Variants in EBF2 observed in about 807,000 individuals in gnomAD.
EBF2 encodes the protein EBF transcription factor 2, also known as transcription factor COE2.
A neutral mutation model predicts 72.8 loss-of-function variants in EBF2; 21 were observed. That is an observed-to-expected ratio of 0.29 (90% confidence interval 0.20 to 0.42). The LOEUF (loss-of-function observed/expected upper bound fraction) is 0.42. Among genes scored for constraint, EBF2 ranks in the 10% least tolerant of loss-of-function variants. The probability of loss-of-function intolerance (pLI) is 1.00; values close to 1 mark genes in which losing one functional copy is unlikely to be tolerated. For synonymous variants in EBF2, 299 were observed against 274.2 expected (o/e 1.09, Z -0.89); for missense variants, 637 against 731.2 (o/e 0.87, Z 1.49).
chr8:25,966,175 G>A (rs1319924036), intron 6 of EBF2, among the ~76,000 whole-genome samples: 1 of 152,258 alleles, frequency 6.6e-6, no homozygotes, highest in Non-Finnish European at 1.5e-5. Flanking sequence ...TAGAGACAAA[G>A]CATCTAAAGG....
intron 6 of EBF2, among the ~76,000 whole-genome samples, chr8:26,022,786 T>A (rs1185103317): frequency 3.3e-5 from 5 of 152,130 alleles, no homozygotes; most frequent in African/African-American, 1.2e-4. Context: ...GGACAACCAT[T>A]TCATCAATGA....
chr8:26,005,031 T>A (rs1804815197), intron 6 of EBF2, among the ~76,000 whole-genome samples: 1 of 150,252 alleles, frequency 6.7e-6, no homozygotes, highest in South Asian at 2.1e-4. Context: ...AGAAAGAAGA[T>A]CATTGAGGTA....
intron 6 of EBF2, among the ~76,000 whole-genome samples, chr8:25,999,917 T>A (rs1299446209): frequency 6.6e-6 from 1 of 152,126 alleles, no homozygotes; most frequent in Non-Finnish European, 1.5e-5. Flanking sequence ...CAAAAGTCTC[T>A]GAAATGTATC....
chr8:26,033,239 C>T, intron 5 of EBF2, 86 bp from the exon 6 acceptor site: 1 of 1,365,110 alleles, frequency 7.3e-7, no homozygotes, highest in Non-Finnish European at 1.0e-6. Context: ...ATTTTTTCCC[C>T]CCAGACAGAG....
At chr8:25,862,358 G>A (rs117483611) in intron 11 of EBF2, among the ~76,000 whole-genome samples, 3 of 152,244 alleles carry the variant, frequency 2.0e-5, no homozygotes, top group African/African-American at 4.8e-5. Flanking sequence ...GTGGATTAAT[G>A]AGTCCTTGCA....
At chr8:25,889,064 G>T (rs1353954420) in intron 8 of EBF2, among the ~76,000 whole-genome samples, 1 of 152,138 alleles carries the variant, frequency 6.6e-6, no homozygotes, top group Non-Finnish European at 1.5e-5. Flanking sequence ...GGGAGGTGGG[G>T]GTTGGGTGGT....
chr8:25,911,000 T>A (rs1479017666), intron 6 of EBF2, among the ~76,000 whole-genome samples: 1 of 152,022 alleles, frequency 6.6e-6, no homozygotes, highest in Non-Finnish European at 1.5e-5. Context: ...ACATCTCCAT[T>A]TTTTTTTCCT....
rs59820523 is a variant in EBF2 at position 25,986,001 on chromosome 8, C to CAAAAAA, written c.551+47078_551+47083dup. Among the ~76,000 whole-genome samples the CAAAAAA allele has an allele frequency of 3.5e-3, 99 of 28,554 alleles. 28 individuals are homozygous for CAAAAAA. Among genetic ancestry groups the CAAAAAA allele is most frequent in the South Asian group, 0.012 (6 of 518 alleles). 18.7% of individuals were successfully genotyped at this position (28,554 alleles called of 152,430 possible). On this transcript the variant is annotated intron_variant, in intron 6 of 15. Coordinates refer to ENST00000520164, the MANE Select transcript of EBF2 (RefSeq NM_022659.4). ...CGGGTGACAGAGTGAAACTCTGTCT[C>CAAAAAA]AAAAAAAAAAAAAAAAAAAAAAAAG... is the stretch of plus-strand genomic sequence containing the variant.
intron 10 of EBF2, among the ~76,000 whole-genome samples, chr8:25,864,059 TCTCA>T (rs1421764952): frequency 6.6e-6 from 1 of 152,202 alleles, no homozygotes; most frequent in Non-Finnish European, 1.5e-5. Flanking sequence ...GATCCTAATT[TCTCA>T]CTATTATAAA....
chr8:25,986,524 CGATGCT>C (rs1461510264), intron 6 of EBF2, among the ~76,000 whole-genome samples: 3 of 152,266 alleles, frequency 2.0e-5, no homozygotes, highest in Non-Finnish European at 4.4e-5. Context: ...ACACCTTGTT[CGATGCT>C]TGACTGTGTG....
chr8:25,919,752 T>C (rs1433206786), intron 6 of EBF2, among the ~76,000 whole-genome samples: 1 of 152,246 alleles, frequency 6.6e-6, no homozygotes, highest in Admixed American at 6.5e-5. Context: ...GTACTGTTTC[T>C]GCTTCTTCCC....
intron 5 of EBF2, among the ~76,000 whole-genome samples, chr8:26,036,637 C>A (rs910384838): frequency 2.6e-5 from 4 of 152,120 alleles, no homozygotes; most frequent in Admixed American, 2.6e-4. Context: ...AATATTAGCA[C>A]AAGCAATGGG....
At chr8:25,853,060 T>A (rs188536470) in intron 14 of EBF2, among the ~76,000 whole-genome samples, 1 of 152,244 alleles carries the variant, frequency 6.6e-6, no homozygotes, top group Admixed American at 6.5e-5. Flanking sequence ...GGAAAATAAA[T>A]GCATGGAAAA....
In EBF2 at chr8:26,042,080, G is replaced by A. The variant is rs117195303; in HGVS notation, c.288+15C>T. The A allele has an allele frequency of 6.8e-6, 11 of 1,612,348 alleles. No individual in the cohort carries two copies. The highest frequency in any genetic ancestry group is 4.5e-5 in the East Asian group (2 of 44,846). On this transcript the variant is annotated intron_variant, in intron 2 of 15. Transcript: ENST00000520164. ...GTTATTAGGCCGCGGGGTTTGGGGG[G>A]TACTTTCCGCTTACTTTGTCATTCT...
At chr8:25,947,357 C>A (rs1044650877) in intron 6 of EBF2, among the ~76,000 whole-genome samples, 1 of 152,166 alleles carries the variant, frequency 6.6e-6, no homozygotes, top group African/African-American at 2.4e-5. Context: ...GATTGTGAGG[C>A]CTCCCTAGCC....
chr8:26,010,795 C>T (rs144867190), intron 6 of EBF2, among the ~76,000 whole-genome samples: 1 of 152,336 alleles, frequency 6.6e-6, no homozygotes, highest in East Asian at 1.9e-4. Context: ...CTGATGCCTG[C>T]AGATACATCA....
At chr8:25,857,808 T>C (rs972682047) in intron 14 of EBF2, among the ~76,000 whole-genome samples, 4 of 152,164 alleles carry the variant, frequency 2.6e-5, no homozygotes, top group Non-Finnish European at 5.9e-5. Flanking sequence ...AAAAGCAGCA[T>C]GGTGTGATAC....
intron 6 of EBF2, among the ~76,000 whole-genome samples, chr8:25,937,669 C>T (rs1803601537): frequency 1.3e-5 from 2 of 152,136 alleles, no homozygotes; most frequent in African/African-American, 4.8e-5. Context: ...TCACAATAAA[C>T]CACAGTATAT....
intron 10 of EBF2, among the ~76,000 whole-genome samples, chr8:25,872,747 A>C (rs1163196216): frequency 1.3e-5 from 2 of 152,258 alleles, no homozygotes; most frequent in African/African-American, 4.8e-5. Context: ...ACTGCCATAT[A>C]AACACAAGAC....
Sources: allele counts gnomAD v4.1 joint callset (sites outside exome capture counted in the v4.1 genomes callset), GRCh38; gene constraint gnomAD v4.1.1; transcripts MANE v1.5; gene names NCBI Gene and HGNC (gene_info 2026-07-23, HGNC 2026-07-21).